The following HEATR5B variants were observed in gnomAD, a reference collection of about 807,000 sequenced individuals.
The protein encoded by HEATR5B is HEAT repeat containing 5B, also known as HEAT repeat-containing protein 5B.
Under a neutral mutation model 224.1 loss-of-function variants are expected in HEATR5B, and 156 were observed. That is an observed-to-expected ratio of 0.70 (90% CI 0.61 to 0.80). HEATR5B has a LOEUF of 0.80. Ranked by LOEUF, HEATR5B falls within the 30% of genes least tolerant of loss-of-function variation. The pLI is 0.00. For missense variants in HEATR5B, 2,323 were observed against 2,535.5 expected, an observed-to-expected ratio of 0.92 and a Z score of 1.80; for synonymous variants, 1,027 against 893.0, an observed-to-expected ratio of 1.15 and a Z score of -2.68.
At position 37,003,532 on chromosome 2, in the gene HEATR5B, T is replaced by C. The variant is rs749020624; in HGVS notation, c.5050+10A>G. 3 of 1,575,140 alleles carry C rather than the reference T, an allele frequency of 1.9e-6. No individual in the cohort carries two copies. The highest frequency in any genetic ancestry group is 4.5e-5 in the East Asian group (2 of 44,316). On this transcript the variant is annotated intron_variant, in intron 31 of 35. Coordinates refer to ENST00000233099, the MANE Select transcript of HEATR5B (RefSeq NM_019024.3). ...ATTTACTTCAAGTTAGTGTAATTTC[T>C]AGTGCTTACTTAGAGTGTTTCTTTT... is the stretch of plus-strand genomic sequence containing the variant.
intron 12 of HEATR5B, among the ~76,000 whole-genome samples, chr2:37,059,464 A>ATATATTT (rs1428386666): frequency 3.0e-5 from 2 of 65,818 alleles, no homozygotes; most frequent in African/African-American, 1.0e-4. Context: ...ATATATATAT[A>ATATATTT]TTTTTTTTTT....
intron 33 of HEATR5B, among the ~76,000 whole-genome samples, chr2:36,997,804 G>A (rs1191173483): frequency 6.6e-6 from 1 of 151,958 alleles, no homozygotes; most frequent in Non-Finnish European, 1.5e-5. Context: ...CTGACCTCAT[G>A]ATCCACCCGC....
At chr2:36,982,030 A>G (rs1665615575) in intron 35 of HEATR5B, among the ~76,000 whole-genome samples, 1 of 151,936 alleles carries the variant, frequency 6.6e-6, no homozygotes, top group African/African-American at 2.4e-5. Context: ...TTACTTAAAA[A>G]AAAAAAAGGG....
chr2:37,014,731 C>T (rs1461673044), intron 26 of HEATR5B, among the ~76,000 whole-genome samples: 3 of 149,644 alleles, frequency 2.0e-5, no homozygotes, highest in African/African-American at 7.3e-5. Context: ...GTAATCCTAG[C>T]ACTTTGGGAG....
chr2:37,025,524 T>A (rs1263192447), intron 24 of HEATR5B, among the ~76,000 whole-genome samples: 2 of 142,556 alleles, frequency 1.4e-5, no homozygotes, highest in African/African-American at 5.2e-5. Flanking sequence ...TGCTATGGTA[T>A]AAAAACAGAA....
At chr2:37,013,010 C>T (rs1003715555) in intron 27 of HEATR5B, among the ~76,000 whole-genome samples, 5 of 152,214 alleles carry the variant, frequency 3.3e-5, no homozygotes, top group Non-Finnish European at 5.9e-5. Context: ...ATCTCACCCC[C>T]GTATTCTCAA....
intron 33 of HEATR5B, among the ~76,000 whole-genome samples, chr2:36,991,592 C>T (rs13402307): frequency 0.01 from 1,555 of 149,686 alleles, 36 homozygotes; most frequent in African/African-American, 0.037. Flanking sequence ...GGAATAGATA[C>T]AACTTGAACA....
intron 25 of HEATR5B, 132 bp from the exon 26 acceptor site, chr2:37,020,009 T>A: frequency 1.7e-6 from 1 of 587,360 alleles, no homozygotes; most frequent in East Asian, 3.1e-5. Flanking sequence ...GCTCAAGCGA[T>A]TCTCCTCCCT....
intron 5 of HEATR5B, among the ~76,000 whole-genome samples, chr2:37,072,566 A>G (rs1671971866): frequency 6.6e-6 from 1 of 152,224 alleles, no homozygotes; most frequent in African/African-American, 2.4e-5. Context: ...AGGGTCTCAA[A>G]TCAATAACCT....
chr2:37,077,310 C>CT (rs1226282745), intron 3 of HEATR5B, among the ~76,000 whole-genome samples: 73 of 145,266 alleles, frequency 5.0e-4, no homozygotes, highest in Admixed American at 5.5e-4. Context: ...CCAAGCTTTT[C>CT]TTTTTTTTTT....
intron 6 of HEATR5B, among the ~76,000 whole-genome samples, chr2:37,071,862 T>G (rs1454578633): frequency 6.6e-6 from 1 of 152,034 alleles, no homozygotes; most frequent in Non-Finnish European, 1.5e-5. Flanking sequence ...TTTTTGTATT[T>G]TCAGTAGAGA....
chr2:37,032,584 AAAG>A (rs1366630816), intron 22 of HEATR5B, 42 bp downstream of exon 22: 1 of 1,519,244 alleles, frequency 6.6e-7, no homozygotes, highest in Admixed American at 1.9e-5. Context: ...CTGAAATGTA[AAAG>A]TAGTTAAACA....
At chr2:37,048,317 T>C (rs1225364755) in intron 18 of HEATR5B, among the ~76,000 whole-genome samples, 2 of 151,870 alleles carry the variant, frequency 1.3e-5, no homozygotes, top group East Asian at 1.9e-4. Context: ...CCCAAGTAGA[T>C]GGGACGATAG....
chr2:37,022,130 G>A (rs934791518), intron 24 of HEATR5B, among the ~76,000 whole-genome samples: 35 of 151,686 alleles, frequency 2.3e-4, no homozygotes, highest in African/African-American at 6.5e-4. Flanking sequence ...ATTGATATCT[G>A]CTTCAGTCAC....
At chr2:37,054,330 C>T (rs1325717807) in intron 16 of HEATR5B, among the ~76,000 whole-genome samples, 2 of 148,284 alleles carry the variant, frequency 1.3e-5, no homozygotes, top group Admixed American at 6.7e-5. Flanking sequence ...GAGTAGCATG[C>T]GCCACCACGC....
At chr2:37,003,467 T>C in intron 31 of HEATR5B, 75 bp downstream of exon 31, 2 of 1,081,878 alleles carry the variant, frequency 1.8e-6, no homozygotes, top group East Asian at 2.6e-5. Context: ...TAGAAATATG[T>C]CCTGGCGTTA....
intron 12 of HEATR5B, among the ~76,000 whole-genome samples, chr2:37,059,285 A>T (rs947805991): frequency 6.6e-5 from 10 of 150,514 alleles, no homozygotes; most frequent in African/African-American, 2.2e-4. Flanking sequence ...ACAAAGAAAG[A>T]AATTTTAAGG....
At chr2:37,066,652 T>C (rs546206860) in intron 8 of HEATR5B, among the ~76,000 whole-genome samples, 75 of 152,294 alleles carry the variant, frequency 4.9e-4, no homozygotes, top group African/African-American at 1.7e-3. Context: ...AAACTACTAA[T>C]TGAGAATACA....
chr2:37,051,513 T>C (rs990950023), intron 17 of HEATR5B, among the ~76,000 whole-genome samples: 12 of 152,138 alleles, frequency 7.9e-5, no homozygotes, highest in Admixed American at 7.2e-4. Context: ...TATGTCACAT[T>C]GCATGGGGAA....
Sources: allele counts gnomAD v4.1 joint callset (sites outside exome capture counted in the v4.1 genomes callset), GRCh38; gene constraint gnomAD v4.1.1; transcripts MANE v1.5; gene names NCBI Gene and HGNC (gene_info 2026-07-23, HGNC 2026-07-21).